DYM: variants seen among roughly 807,000 people sequenced by gnomAD.
DYM encodes the protein dymeclin.
A neutral mutation model predicts 93.1 loss-of-function variants in DYM; 78 were observed. The observed-to-expected ratio is 0.84, with a 90% CI of 0.70 to 1.01. The LOEUF (loss-of-function observed/expected upper bound fraction) is 1.01. Among genes scored for constraint, DYM ranks in the 50% least tolerant of loss-of-function variants. The probability of loss-of-function intolerance (pLI) is 0.00; values close to 1 mark genes in which losing one functional copy is unlikely to be tolerated. For missense variants in DYM, 789 were observed against 845.0 expected, an observed-to-expected ratio of 0.93 and a Z score of 0.82; for synonymous variants, 321 against 319.7, an observed-to-expected ratio of 1.00 and a Z score of -0.04.
intron 10 of DYM, among the ~76,000 whole-genome samples, chr18:49,274,082 G>A (rs2094783879): frequency 6.6e-6 from 1 of 151,974 alleles, no homozygotes; most frequent in Non-Finnish European, 1.5e-5. Flanking sequence ...TCAGAAATAT[G>A]TGTAACCATC....
chr18:49,256,692 C>G (rs1056382940), intron 13 of DYM, among the ~76,000 whole-genome samples: 5 of 152,148 alleles, frequency 3.3e-5, no homozygotes, highest in Non-Finnish European at 7.4e-5. Context: ...GTGTGATGCT[C>G]TATAAAATGC....
chr18:49,457,904 G>A (rs1234415406), intron 1 of DYM, among the ~76,000 whole-genome samples: 1 of 152,222 alleles, frequency 6.6e-6, no homozygotes, highest in African/African-American at 2.4e-5. Context: ...TGGTGGCTTT[G>A]AAGACAGAGG....
intron 13 of DYM, among the ~76,000 whole-genome samples, chr18:49,235,022 G>A (rs563815171): frequency 6.6e-6 from 1 of 152,304 alleles, no homozygotes; most frequent in Admixed American, 6.5e-5. Flanking sequence ...AATGAGCCTA[G>A]TGGTAGATTC....
intron 17 of DYM, among the ~76,000 whole-genome samples, chr18:49,067,736 C>T (rs893767378): frequency 2.0e-5 from 3 of 152,100 alleles, no homozygotes; most frequent in African/African-American, 7.2e-5. Context: ...AGTTAAATAA[C>T]ACACAACAAA....
chr18:49,297,329 C>T (rs2060624799), intron 8 of DYM, among the ~76,000 whole-genome samples: 1 of 152,066 alleles, frequency 6.6e-6, no homozygotes, highest in South Asian at 2.1e-4. Flanking sequence ...AAGTAAAACA[C>T]AAAAGAATAC....
rs1418783748 is a variant in DYM at position 49,440,130 on chromosome 18, TACTG to T, written c.-53-9687_-53-9684del. 6.2e-5 allele frequency among the ~76,000 whole-genome samples: 9 copies of T among 145,392 alleles called. 1 individual carries two copies. The highest frequency in any genetic ancestry group is 4.5e-4 in the East Asian group (2 of 4,442). On this transcript the variant is annotated intron_variant, in intron 1 of 17. Transcript: ENST00000675505. Reference sequence around the variant, plus strand: ...TAAAGTCAATCTCCTCTTTTATGTGTACTGACTATCTCTTGATTTGATGTGCCTT... The same window carrying T: ...TAAAGTCAATCTCCTCTTTTATGTGTACTATCTCTTGATTTGATGTGCCTT...
chr18:49,218,225 C>A (rs1416131872), intron 13 of DYM, among the ~76,000 whole-genome samples: 1 of 152,160 alleles, frequency 6.6e-6, no homozygotes, highest in Non-Finnish European at 1.5e-5. Flanking sequence ...TATATATGCA[C>A]CCAATACAGG....
chr18:49,067,212 AC>A (rs2076486083), intron 17 of DYM, among the ~76,000 whole-genome samples: 10 of 8,782 alleles, frequency 1.1e-3, no homozygotes, highest in Non-Finnish European at 1.4e-3. Context: ...TGATGTGAGC[AC>A]TATGCAGGTT....
In DYM at chr18:49,342,701, T is replaced by G. The variant is rs529833690; in HGVS notation, c.495-8848A>C. 2.0e-5 allele frequency among the ~76,000 whole-genome samples: 3 copies of G among 152,340 alleles called. No individual in the cohort carries two copies. In the East Asian group the frequency reaches 5.8e-4, roughly 29 times the overall value. On this transcript the variant is annotated intron_variant, in intron 6 of 17. Transcript: ENST00000675505. ...ATATGATAATGCTTCCATATTATAA[T>G]GCCATATTTTAATGTACCCTTTCTA... is the stretch of plus-strand genomic sequence containing the variant.
chr18:49,091,474 A>G (rs2079045790), intron 17 of DYM, among the ~76,000 whole-genome samples: 1 of 152,192 alleles, frequency 6.6e-6, no homozygotes, highest in Non-Finnish European at 1.5e-5. Flanking sequence ...TATCTGGAGC[A>G]GGGAGAGTGA....
At chr18:49,431,001 A>G in intron 1 of DYM, among the ~76,000 whole-genome samples, 1 of 152,238 alleles carries the variant, frequency 6.6e-6, no homozygotes, top group Non-Finnish European at 1.5e-5. Context: ...GCTCTACCCA[A>G]GAAAATGTCT....
At chr18:49,191,535 G>A (rs1477911961) in intron 14 of DYM, among the ~76,000 whole-genome samples, 1 of 152,008 alleles carries the variant, frequency 6.6e-6, no homozygotes, top group Non-Finnish European at 1.5e-5. Context: ...GGAAAACAAG[G>A]ACATTATTAT....
chr18:49,294,411 C>G (rs2060385869), intron 8 of DYM, among the ~76,000 whole-genome samples: 1 of 152,076 alleles, frequency 6.6e-6, no homozygotes, highest in African/African-American at 2.4e-5. Flanking sequence ...TTGGGCAGTA[C>G]AGCCATTTTC....
At chr18:49,156,231 A>G (rs1001194486) in intron 15 of DYM, among the ~76,000 whole-genome samples, 2 of 152,204 alleles carry the variant, frequency 1.3e-5, no homozygotes, top group African/African-American at 2.4e-5. Flanking sequence ...CATTTAAAAA[A>G]TGCAGTAAAA....
intron 10 of DYM, among the ~76,000 whole-genome samples, chr18:49,279,970 G>C (rs1390667311): frequency 6.6e-6 from 1 of 152,136 alleles, no homozygotes; most frequent in Non-Finnish European, 1.5e-5. Context: ...TGAAAAAATG[G>C]TAACCAAATA....
chr18:49,194,943 A>C (rs1422350074), intron 14 of DYM, among the ~76,000 whole-genome samples: 2 of 152,154 alleles, frequency 1.3e-5, no homozygotes, highest in South Asian at 2.1e-4. Flanking sequence ...ATGCCAAAGG[A>C]AAACTTTTTG....
chr18:49,434,808 A>T (rs547201101), intron 1 of DYM, among the ~76,000 whole-genome samples: 8 of 152,174 alleles, frequency 5.3e-5, no homozygotes, highest in African/African-American at 1.2e-4. Flanking sequence ...TCTAAAAAAA[A>T]TTTTTTAATT....
intron 16 of DYM, among the ~76,000 whole-genome samples, chr18:49,109,891 C>T (rs927372109): frequency 2.0e-5 from 3 of 150,960 alleles, no homozygotes; most frequent in African/African-American, 7.5e-5. Flanking sequence ...TATCTCCCAA[C>T]ACACATGTGT....
chr18:49,254,136 T>C (rs960964094), intron 13 of DYM, among the ~76,000 whole-genome samples: 3 of 152,218 alleles, frequency 2.0e-5, no homozygotes, highest in African/African-American at 7.2e-5. Context: ...GTAGCCACCC[T>C]GCTTAATCTT....
Sources: gnomAD v4.1 joint callset for allele counts (sites outside exome capture counted in the v4.1 genomes callset) on GRCh38, gnomAD v4.1.1 for gene constraint, MANE v1.5 for transcripts, NCBI Gene and HGNC (gene_info 2026-07-23, HGNC 2026-07-21) for gene names.